The following NRXN3 variants were observed in gnomAD, a reference collection of about 807,000 sequenced individuals.
NRXN3 encodes the protein neurexin III.
Under a neutral mutation model 137.6 loss-of-function variants are expected in NRXN3, and 32 were observed. The observed-to-expected ratio is 0.23, with a 90% CI of 0.18 to 0.31. The LOEUF is 0.31. NRXN3 is among the 10% of genes least tolerant of loss of function. The pLI, the probability that NRXN3 is intolerant of heterozygous loss-of-function variation, is 1.00. For synonymous variants in NRXN3, 798 were observed against 784.5 expected (o/e 1.02, Z -0.29); for missense variants, 1,574 against 2,062.5 (o/e 0.76, Z 4.59).
Position 78,874,035 on chromosome 14 carries a change from G to A in NRXN3, c.2275+63691G>A, listed in dbSNP as rs531263672. 6.1e-4 allele frequency among the ~76,000 whole-genome samples: 91 copies of A among 150,226 alleles called. 2 individuals are homozygous for A. In the South Asian group the frequency reaches 0.018, roughly 29 times the overall value. The stretch of plus-strand genomic sequence containing the variant: ...GACCCAGGCTGAAGTGCAGTGGCAC[G>A]ATCTCAGCTCACTGCAACCTCTGCC... On this transcript the variant is annotated intron_variant, in intron 10 of 20. Coordinates refer to ENST00000335750, the MANE Select transcript of NRXN3 (RefSeq NM_001330195.2).
chr14:78,649,220 G>T, intron 5 of NRXN3: 1 of 1,300,508 alleles, frequency 7.7e-7, no homozygotes, highest in South Asian at 1.2e-5. Context: ...ATTAACAATC[G>T]TTCTGTTCAC....
At chr14:79,814,845 T>C (rs1449619554) in intron 20 of NRXN3, among the ~76,000 whole-genome samples, 3 of 152,178 alleles carry the variant, frequency 2.0e-5, no homozygotes, top group Non-Finnish European at 4.4e-5. Context: ...AAAATGCATT[T>C]ATGTTTATGT....
Position 78,581,385 on chromosome 14 carries a change from A to G in NRXN3, c.758-63735A>G, listed in dbSNP as rs969293367. ...AGGGCTGCTCTCTGCTTCCGGGACG[A>G]CAGCTTGTTGCTACTTCCTCCTAAG... On this transcript the variant is annotated intron_variant, in intron 4 of 20. Transcript: ENST00000335750. Among the ~76,000 whole-genome samples, 3 of 152,212 alleles carry G rather than the reference A, an allele frequency of 2.0e-5. No homozygotes were observed. The East Asian group carries it at 5.8e-4, about 29-fold the overall frequency.
At chr14:78,389,164 TC>T (rs1208778911) in intron 4 of NRXN3, among the ~76,000 whole-genome samples, 1 of 151,912 alleles carries the variant, frequency 6.6e-6, no homozygotes, top group Non-Finnish European at 1.5e-5. Context: ...CAAGCAATTC[TC>T]TTGCCTCAGC....
chr14:79,566,010 C>T (rs944485368), intron 16 of NRXN3, among the ~76,000 whole-genome samples: 9 of 152,072 alleles, frequency 5.9e-5, no homozygotes, highest in African/African-American at 2.2e-4. Flanking sequence ...TTTTCCCCCA[C>T]TTCAGCTTCA....
intron 18 of NRXN3, among the ~76,000 whole-genome samples, chr14:79,694,493 AG>A: frequency 6.6e-6 from 1 of 151,732 alleles, no homozygotes; most frequent in African/African-American, 2.4e-5. Flanking sequence ...AATAGTTCTC[AG>A]ATTAGGATAT....
chr14:79,642,539 C>CT (rs1339310454), intron 16 of NRXN3, among the ~76,000 whole-genome samples: 5 of 132,828 alleles, frequency 3.8e-5, no homozygotes, highest in African/African-American at 5.0e-5. Context: ...CAATATCTCT[C>CT]TTTTTTTTTA....
chr14:79,666,681 T>TTTC (rs1298652421), intron 17 of NRXN3, among the ~76,000 whole-genome samples: 1 of 152,060 alleles, frequency 6.6e-6, no homozygotes, highest in Non-Finnish European at 1.5e-5. Context: ...AATGAGTATT[T>TTTC]TTCTTCTTGT....
intron 20 of NRXN3, among the ~76,000 whole-genome samples, chr14:79,835,274 T>C (rs1025181639): frequency 1.3e-5 from 2 of 152,146 alleles, no homozygotes; most frequent in African/African-American, 4.8e-5. Flanking sequence ...CAAAACATTA[T>C]GTTGCACATG....
At chr14:79,231,766 AATAG>A (rs1263987335) in intron 15 of NRXN3, among the ~76,000 whole-genome samples, 1 of 152,170 alleles carries the variant, frequency 6.6e-6, no homozygotes, top group Admixed American at 6.5e-5. Context: ...CCTTGATTTG[AATAG>A]ATAAACTACT....
At chr14:78,965,916 A>G in intron 11 of NRXN3, 109 bp from the exon 12 acceptor site, 1 of 1,274,870 alleles carries the variant, frequency 7.8e-7, no homozygotes, top group South Asian at 1.4e-5. Context: ...TCACCCAAGA[A>G]AGCTGAATAT....
intron 10 of NRXN3, among the ~76,000 whole-genome samples, chr14:78,811,963 T>C (rs1341727308): frequency 6.6e-6 from 1 of 152,230 alleles, no homozygotes; most frequent in Non-Finnish European, 1.5e-5. Context: ...ACATCCTTTC[T>C]CTCCAAAGCC....
At chr14:78,285,328 A>G (rs536858842) in intron 3 of NRXN3, among the ~76,000 whole-genome samples, 10 of 152,324 alleles carry the variant, frequency 6.6e-5, no homozygotes, top group African/African-American at 2.4e-4. Flanking sequence ...ATGAGAAAAA[A>G]ACACTTGAAA....
intron 19 of NRXN3, among the ~76,000 whole-genome samples, chr14:79,786,302 A>G (rs901719757): frequency 2.6e-5 from 4 of 152,190 alleles, no homozygotes; most frequent in African/African-American, 7.2e-5. Flanking sequence ...AAAGTTAATG[A>G]AATTGGGGCC....
At chr14:79,507,694 A>G (rs2096891500) in intron 16 of NRXN3, among the ~76,000 whole-genome samples, 2 of 152,254 alleles carry the variant, frequency 1.3e-5, no homozygotes, top group Non-Finnish European at 1.5e-5. Flanking sequence ...CCCTGCCTCA[A>G]TCAAAGCCCA....
intron 16 of NRXN3, among the ~76,000 whole-genome samples, chr14:79,632,039 G>T (rs1715200686): frequency 6.6e-6 from 1 of 152,084 alleles, no homozygotes; most frequent in Non-Finnish European, 1.5e-5. Flanking sequence ...CATCCTGGTG[G>T]GTCTCCTTCC....
chr14:79,394,585 A>T (rs569436751), intron 15 of NRXN3, among the ~76,000 whole-genome samples: 76 of 152,282 alleles, frequency 5.0e-4, no homozygotes, highest in African/African-American at 1.8e-3. Context: ...TGCATGTTAA[A>T]CTTACCAAGG....
rs151108801 is a variant in NRXN3, at chr14:79,633,875, G to A, written c.3445-29903G>A. Among the ~76,000 whole-genome samples the A allele has an allele frequency of 1.5e-3, 229 of 151,986 alleles. 1 individual carries two copies. The highest frequency in any genetic ancestry group is 5.2e-3 in the African/African-American group (216 of 41,460). On this transcript the variant is annotated intron_variant, in intron 16 of 20. Coordinates refer to ENST00000335750, the MANE Select transcript of NRXN3 (RefSeq NM_001330195.2). ...TTTTAACCTATATTACTTGAGTTTT[G>A]GCTACCAAAACTCTAAGCATTCACA... is the stretch of plus-strand genomic sequence containing the variant.
chr14:79,298,532 C>G (rs148969900), intron 15 of NRXN3, among the ~76,000 whole-genome samples: 3 of 152,108 alleles, frequency 2.0e-5, no homozygotes, highest in African/African-American at 7.2e-5. Flanking sequence ...TTTTTCTCAC[C>G]AGATACTTGC....
Sources: gnomAD v4.1 joint callset for allele counts (sites outside exome capture counted in the v4.1 genomes callset) on GRCh38, gnomAD v4.1.1 for gene constraint, MANE v1.5 for transcripts, NCBI Gene and HGNC (gene_info 2026-07-23, HGNC 2026-07-21) for gene names.